The following ITPR3 variants were observed in gnomAD, a reference collection of about 807,000 sequenced individuals.
ITPR3 encodes inositol 1,4,5-trisphosphate receptor type 3, also known as inositol 1,4,5-trisphosphate-gated calcium channel ITPR3.
Under a neutral mutation model 293.2 loss-of-function variants are expected in ITPR3, and 173 were observed. The observed-to-expected ratio is 0.59, with a 90% CI of 0.52 to 0.67. The LOEUF is 0.67. Among genes scored for constraint, ITPR3 ranks in the 30% least tolerant of loss-of-function variants. ITPR3 has a pLI of 0.00. For missense variants in ITPR3, 2,796 were observed against 3,592.1 expected (o/e 0.78, Z 5.66); for synonymous variants, 1,295 against 1,444.4 (o/e 0.90, Z 2.35).
intron 27 of ITPR3, 111 bp downstream of exon 27, chr6:33,677,200 A>G (rs946080971): frequency 7.0e-6 from 7 of 992,962 alleles, no homozygotes; most frequent in Non-Finnish European, 1.1e-5. Flanking sequence ...GGCCCTCACA[A>G]GAGACATCTT....
At position 33,676,929 on chromosome 6, in the gene ITPR3, A is replaced by C. The variant is rs1338830637; in HGVS notation, c.3444A>C (p.Lys1148Asn). ...EVEAGAAKDK[K>N]ERPTDEEGFL... is the part of the protein sequence containing the mutation. ...AGGCAGGCGCCGCCAAGGACAAGAA[A>C]GAGGTAAGTGGGGCTCCAGGGGGCC... Residue 1148 changes from lysine to asparagine, a missense_variant, in exon 26 of 58, where the codon AAA becomes AAC. Physicochemically the swap from Lys to Asn is moderately conservative, Grantham distance 94. Coordinates refer to ENST00000605930, the MANE Select transcript of ITPR3 (RefSeq NM_002224.4). The C allele has an allele frequency of 6.2e-7, 1 of 1,614,098 alleles. No individual in the cohort carries two copies. The highest frequency in any genetic ancestry group is 2.2e-5 in the East Asian group (1 of 44,874).
intron 51 of ITPR3, 77 bp downstream of exon 51, chr6:33,690,275 C>T: frequency 2.2e-6 from 3 of 1,370,312 alleles, no homozygotes; most frequent in Admixed American, 1.9e-5. Flanking sequence ...TTGGCAGTTC[C>T]CCGGCACCAG....
At chr6:33,656,032 A>C (rs1425608520) in intron 3 of ITPR3, 145 bp downstream of exon 3, 11 of 1,082,034 alleles carry the variant, frequency 1.0e-5, no homozygotes, top group Non-Finnish European at 1.4e-5. Context: ...GACAGTTCAC[A>C]CCTGTAATTC....
At position 33,688,791 on chromosome 6, in the gene ITPR3, CA is replaced by C; in HGVS notation, c.6694+11del. 1 of 1,614,106 alleles carries C rather than the reference CA, an allele frequency of 6.2e-7. No homozygotes were observed. On this transcript the variant is annotated intron_variant, in intron 49 of 57. Coordinates refer to ENST00000605930, the MANE Select transcript of ITPR3 (RefSeq NM_002224.4). ...GAGGGCGCGTCCACAGGTGAGAACA[CA>C]GGGCTGGCCGGCAGGTTCCCCGGGC...
In ITPR3 at chr6:33,678,331, C is replaced by T. The variant is rs150493062; in HGVS notation, c.3649-90C>T. 522 of 1,550,648 alleles carry T rather than the reference C, an allele frequency of 3.4e-4. No individual in the cohort carries two copies. The East Asian group carries it at 6.5e-3, about 19-fold the overall frequency. ...CTCTTCACGGTCCCAGTCCCAAGCC[C>T]GACCCACCCCTGCTCCTGTCAGAGC... On this transcript the variant is annotated intron_variant, in intron 28 of 57. Transcript: ENST00000605930.
chr6:33,644,662 GT>G (rs61492756), intron 2 of ITPR3, among the ~76,000 whole-genome samples: 38,194 of 123,250 alleles, frequency 0.31, 4,138 homozygotes, highest in African/African-American at 0.37. Context: ...CACAATATAG[GT>G]TTTTTTTTTT....
chr6:33,665,983 G>T lies in ITPR3; in HGVS notation c.1551+7G>T, dbSNP rs755651506. ...GCAGAACATCCTCAAACAGGTGCGT[G>T]TGCACCCATGAGGGGACGCAGAGGG... On this transcript the variant is annotated splice_region_variant and intron_variant, in intron 14 of 57. Coordinates refer to ENST00000605930, the MANE Select transcript of ITPR3 (RefSeq NM_002224.4). The T allele has an allele frequency of 1.3e-5, 21 of 1,596,988 alleles. No individual in the cohort carries two copies. The highest frequency in any genetic ancestry group is 1.8e-5 in the Non-Finnish European group (21 of 1,171,542).
In ITPR3 at chr6:33,625,932, G is replaced by T. The variant is rs375459906; in HGVS notation, c.89+4241G>T. Among the ~76,000 whole-genome samples the T allele has an allele frequency of 2.0e-5, 3 of 152,116 alleles. No homozygotes were observed. In the East Asian group the frequency reaches 5.8e-4, roughly 29 times the overall value. On this transcript the variant is annotated intron_variant, in intron 1 of 57. Coordinates refer to ENST00000605930, the MANE Select transcript of ITPR3 (RefSeq NM_002224.4). ...TCTCATGTTCCATCACCAACTTGTT[G>T]GGTGGTTTCTGTTTTGTTTTGTTTG...
At chr6:33,695,524 A>G in intron 57 of ITPR3, 188 bp from the exon 58 acceptor site, 1 of 619,788 alleles carries the variant, frequency 1.6e-6, no homozygotes, top group Non-Finnish European at 2.9e-6. Flanking sequence ...GTGACACGCT[A>G]ATTGAGAACA....
chr6:33,651,684 C>T (rs1764195809), intron 2 of ITPR3, among the ~76,000 whole-genome samples: 1 of 152,224 alleles, frequency 6.6e-6, no homozygotes, highest in Non-Finnish European at 1.5e-5. Context: ...GTTTTCCTTT[C>T]TATCTTCTCT....
rs181852380 is a variant in ITPR3 at position 33,628,747 on chromosome 6, G to T, written c.89+7056G>T. Among the ~76,000 whole-genome samples the T allele has an allele frequency of 5.6e-4, 85 of 152,290 alleles. 1 individual carries two copies. Among genetic ancestry groups the T allele is most frequent in the Middle Eastern group, 6.8e-3 (2 of 294 alleles). On this transcript the variant is annotated intron_variant, in intron 1 of 57. Coordinates refer to ENST00000605930, the MANE Select transcript of ITPR3 (RefSeq NM_002224.4). ...CTATGTTTTTTTGGTCAGCAGGTGG[G>T]CAGAGCCGGAAGGGGCTGTCAACAC...
chr6:33,687,219 C>T lies in ITPR3; in HGVS notation c.6076-7C>T, dbSNP rs771722477. The T allele has an allele frequency of 6.2e-7, 1 of 1,608,698 alleles. No homozygotes were observed. Among genetic ancestry groups the T allele is most frequent in the South Asian group, 1.1e-5 (1 of 90,938 alleles). ...AGAGAGCATTGGAACAGGCACTGCC[C>T]CTCCAGGTGGACGTCATCAAGAAGG... On this transcript the variant is annotated splice_polypyrimidine_tract_variant and splice_region_variant and intron_variant, in intron 44 of 57. Transcript: ENST00000605930. The surrounding 1 kb of genome is among the most constrained non-coding windows in gnomAD (Gnocchi z 5.3).
rs868732515 is a variant in ITPR3 at position 33,669,258 on chromosome 6, G to C, written c.2189+102G>C. On this transcript the variant is annotated intron_variant, in intron 18 of 57. Coordinates refer to ENST00000605930, the MANE Select transcript of ITPR3 (RefSeq NM_002224.4). The stretch of plus-strand genomic sequence containing the variant: ...TGAGGATGAGCTCTGACAGCCTCAG[G>C]TGGGGCTCCTGCCTCCTCAGAAGCG... The C allele has an allele frequency of 4.9e-6, 6 of 1,226,302 alleles. No individual in the cohort carries two copies. In the African/African-American group the frequency reaches 7.4e-5, roughly 15 times the overall value. 76.0% of individuals were successfully genotyped at this position (1,226,302 alleles called of 1,614,324 possible). A position where few individuals can be genotyped will look rare whatever the true frequency, so the allele number is the denominator to read the frequency against.
rs1765333625 is a variant in ITPR3, at chr6:33,689,530, G to C, written c.6867+120G>C. The C allele has an allele frequency of 2.6e-6, 3 of 1,168,574 alleles. No homozygotes were observed. The Admixed American group carries it at 7.0e-5, about 27-fold the overall frequency. 72.4% of individuals were successfully genotyped at this position (1,168,574 alleles called of 1,614,324 possible). ...CTGTCCCATCCCCTCCTCTCTGTTG[G>C]GCTCCCAAGTTCCTTATAGACCGGT... On this transcript the variant is annotated intron_variant, in intron 50 of 57. Coordinates refer to ENST00000605930, the MANE Select transcript of ITPR3 (RefSeq NM_002224.4).
chr6:33,658,625 A>C lies in ITPR3; in HGVS notation c.370-45A>C. Reference sequence around the variant, plus strand: ...CCCATATCCCCTCCCTAATGGGCCGACTCCTGTGGCGCGGTGACCTTCCCG... The same window carrying C: ...CCCATATCCCCTCCCTAATGGGCCGCCTCCTGTGGCGCGGTGACCTTCCCG... On this transcript the variant is annotated intron_variant, in intron 4 of 57. Coordinates refer to ENST00000605930, the MANE Select transcript of ITPR3 (RefSeq NM_002224.4). The surrounding 1 kb of genome is among the most constrained non-coding windows in gnomAD (Gnocchi z 6.1). The C allele has an allele frequency of 3.7e-6, 6 of 1,605,418 alleles. No individual in the cohort carries two copies. The highest frequency in any genetic ancestry group is 5.1e-6 in the Non-Finnish European group (6 of 1,174,122).
intron 43 of ITPR3, 136 bp from the exon 44 acceptor site, chr6:33,686,873 G>A (rs888906222): frequency 7.0e-6 from 5 of 718,392 alleles, no homozygotes; most frequent in Non-Finnish European, 9.6e-6. Flanking sequence ...TAAGCCGGGG[G>A]GAGGGAGGAT....
Position 33,671,166 on chromosome 6 carries a change from T to C in ITPR3, c.2588T>C (p.Val863Ala). ...ACCTCGGCCACGCCCCCTTCGCAGG[T>C]GGTCAGCCTGGCGCACAATCTCATC... is the stretch of plus-strand genomic sequence containing the variant. Reference protein sequence around the residue: ...NEEKNKLTFEVVSLAHNLIYF... With the variant: ...NEEKNKLTFEAVSLAHNLIYF... The change falls in exon 21 of 58, where the codon GTG becomes GCG. Residue 863 changes from valine to alanine, a missense_variant and splice_region_variant. By Grantham distance (64) the Val-to-Ala change is moderately conservative. This residue lies in a region of ITPR3 where 955 missense variants were observed against 1,180.8 expected (regional missense o/e 0.81). Coordinates refer to ENST00000605930, the MANE Select transcript of ITPR3 (RefSeq NM_002224.4). The C allele has an allele frequency of 6.2e-7, 1 of 1,612,782 alleles. No homozygotes were observed. Among genetic ancestry groups the C allele is most frequent in the East Asian group, 2.2e-5 (1 of 44,780 alleles).
chr6:33,662,425 G>A (rs1226861920), intron 7 of ITPR3, 103 bp from the exon 8 acceptor site: 2 of 1,372,742 alleles, frequency 1.5e-6, no homozygotes, highest in Non-Finnish European at 9.8e-7. Context: ...GAGGGGCCCT[G>A]CCAGCAGCCA....
At chr6:33,690,339 C>T (rs1029746595) in intron 51 of ITPR3, 141 bp downstream of exon 51, 15 of 851,770 alleles carry the variant, frequency 1.8e-5, no homozygotes, top group Admixed American at 5.5e-5. Flanking sequence ...ATTACAGAGT[C>T]TTCATCTGCC....
Sources: allele counts gnomAD v4.1 joint callset (sites outside exome capture counted in the v4.1 genomes callset), GRCh38; gene constraint gnomAD v4.1.1; regional missense constraint gnomAD v4.1.1; non-coding constraint Gnocchi (gnomAD v3.1); transcripts MANE v1.5; gene names NCBI Gene and HGNC (gene_info 2026-07-23, HGNC 2026-07-21).